The following SBF2 variants were observed in gnomAD, a reference collection of about 807,000 sequenced individuals.
SBF2 encodes SET binding factor 2, also known as myotubularin-related protein 13.
A neutral mutation model predicts 225.2 loss-of-function variants in SBF2; 112 were observed. The observed-to-expected ratio is 0.50, with a 90% confidence interval of 0.43 to 0.58. The LOEUF is 0.58. SBF2 is among the 20% of genes least tolerant of loss of function. The probability of loss-of-function intolerance (pLI) is 0.00; values close to 1 mark genes in which losing one functional copy is unlikely to be tolerated. For missense variants in SBF2, 1,996 were observed against 2,206.2 expected (o/e 0.90, Z 1.91); for synonymous variants, 763 against 773.3 (o/e 0.99, Z 0.22).
chr11:10,084,213 C>G (rs572185122), intron 2 of SBF2, among the ~76,000 whole-genome samples: 11 of 152,034 alleles, frequency 7.2e-5, no homozygotes, highest in African/African-American at 2.7e-4. Context: ...ACATAACAAA[C>G]CTGCACATCC....
intron 2 of SBF2, among the ~76,000 whole-genome samples, chr11:10,058,504 A>C (rs1036848648): frequency 9.9e-5 from 15 of 152,230 alleles, no homozygotes; most frequent in African/African-American, 3.6e-4. Flanking sequence ...ACTTTCAAGA[A>C]GTATGAGATT....
intron 1 of SBF2, among the ~76,000 whole-genome samples, chr11:10,256,959 G>T (rs1270627347): frequency 6.6e-6 from 1 of 152,222 alleles, no homozygotes; most frequent in Non-Finnish European, 1.5e-5. Context: ...AAGAATGATT[G>T]TACTAACTGG....
chr11:9,779,514 T>G lies in SBF2; in HGVS notation c.*904A>C, dbSNP rs1195833788. On this transcript the variant is annotated 3_prime_UTR_variant, in exon 40 of 40. Coordinates refer to ENST00000256190, the MANE Select transcript of SBF2 (RefSeq NM_030962.4). Reference sequence around the variant, plus strand: ...GTATCCAGTCATGCCACAGTGTGACTGTGGTCAACACAGCCCTTGTCACAG... The same window carrying G: ...GTATCCAGTCATGCCACAGTGTGACGGTGGTCAACACAGCCCTTGTCACAG... The G allele has an allele frequency of 6.5e-6, 1 of 152,684 alleles. No individual in the cohort carries two copies. Among genetic ancestry groups the G allele is most frequent in the South Asian group, 2.1e-4 (1 of 4,834 alleles). 9.5% of individuals were successfully genotyped at this position (152,684 alleles called of 1,614,324 possible).
chr11:10,043,658 C>G (rs1949743306), intron 2 of SBF2, among the ~76,000 whole-genome samples: 1 of 152,196 alleles, frequency 6.6e-6, no homozygotes, highest in East Asian at 1.9e-4. Context: ...CACTTTAACC[C>G]CAACCCCCTG....
intron 2 of SBF2, among the ~76,000 whole-genome samples, chr11:10,097,856 C>T (rs1388929589): frequency 6.6e-6 from 1 of 152,134 alleles, no homozygotes; most frequent in East Asian, 1.9e-4. Context: ...TAGTGAGTTC[C>T]TGTCTTCTAC....
At chr11:9,947,960 G>C (rs1258191625) in intron 16 of SBF2, among the ~76,000 whole-genome samples, 1 of 152,218 alleles carries the variant, frequency 6.6e-6, no homozygotes, top group Non-Finnish European at 1.5e-5. Context: ...CTGAAAGCAG[G>C]AGCTTGAAGA....
At chr11:9,784,986 A>G (rs1590076624) in intron 37 of SBF2, 139 bp downstream of exon 37, 1 of 802,944 alleles carries the variant, frequency 1.2e-6, no homozygotes, top group East Asian at 2.6e-5. Context: ...CATCTAAAAC[A>G]TTACAAAAAT....
intron 14 of SBF2, among the ~76,000 whole-genome samples, chr11:9,964,430 T>C (rs921134334): frequency 2.6e-5 from 4 of 152,234 alleles, no homozygotes; most frequent in African/African-American, 7.2e-5. Context: ...TTATGCAAAC[T>C]AATTCACATT....
chr11:9,960,743 C>CA (rs1446311374), intron 16 of SBF2: 1 of 152,232 alleles, frequency 6.6e-6, no homozygotes, highest in Non-Finnish European at 1.5e-5. Context: ...CAGCTCACTG[C>CA]AACCTCCGCC....
At chr11:9,820,423 G>A (rs12576763) in intron 28 of SBF2, among the ~76,000 whole-genome samples, 12,431 of 152,232 alleles carry the variant, frequency 0.082, 589 homozygotes, top group East Asian at 0.15. Context: ...CATGGCCAAG[G>A]CACACTGTGT....
chr11:10,166,712 T>C (rs1297030220), intron 2 of SBF2, among the ~76,000 whole-genome samples: 1 of 152,012 alleles, frequency 6.6e-6, no homozygotes, highest in East Asian at 1.9e-4. Context: ...CCTGTAATCC[T>C]AGCACTTTGG....
At chr11:10,079,985 T>C (rs990310200) in intron 2 of SBF2, among the ~76,000 whole-genome samples, 1 of 137,960 alleles carries the variant, frequency 7.2e-6, no homozygotes, top group Non-Finnish European at 1.6e-5. Flanking sequence ...CGATGGCTCA[T>C]GCCTGTAATC....
chr11:10,021,421 A>G (rs1948852939), intron 6 of SBF2, among the ~76,000 whole-genome samples: 1 of 151,986 alleles, frequency 6.6e-6, no homozygotes, highest in Non-Finnish European at 1.5e-5. Context: ...GTAAACAAAA[A>G]TAGTTCACAT....
At chr11:9,812,411 A>G (rs1854237492) in intron 30 of SBF2, 121 bp downstream of exon 30, 1 of 1,031,230 alleles carries the variant, frequency 9.7e-7, no homozygotes, top group Admixed American at 1.9e-5. Flanking sequence ...GCACACAATG[A>G]AGGAGGAGAA....
chr11:10,237,497 C>T (rs1959120281), intron 1 of SBF2, among the ~76,000 whole-genome samples: 1 of 152,228 alleles, frequency 6.6e-6, no homozygotes. Flanking sequence ...AGCCTCAAAT[C>T]ATCTCAGTAC....
intron 17 of SBF2, among the ~76,000 whole-genome samples, chr11:9,875,387 C>T (rs1590294400): frequency 6.6e-6 from 1 of 152,334 alleles, no homozygotes; most frequent in Non-Finnish European, 1.5e-5. Context: ...CTTCCTCCTA[C>T]CCACGAGCTC....
chr11:10,291,054 T>C (rs923399024), intron 1 of SBF2, among the ~76,000 whole-genome samples: 2 of 152,222 alleles, frequency 1.3e-5, no homozygotes, highest in African/African-American at 4.8e-5. Flanking sequence ...GTGATGGGGA[T>C]GTACCATAAG....
At chr11:10,125,853 T>C (rs996130210) in intron 2 of SBF2, among the ~76,000 whole-genome samples, 11 of 152,202 alleles carry the variant, frequency 7.2e-5, no homozygotes, top group Non-Finnish European at 1.5e-4. Context: ...TTGGCAATTT[T>C]AAAAAGTATG....
intron 16 of SBF2, among the ~76,000 whole-genome samples, chr11:9,949,888 A>C (rs1865761066): frequency 6.6e-6 from 1 of 152,152 alleles, no homozygotes. Context: ...TTTTTCAAGG[A>C]CACCTGCATA....
Sources: gnomAD v4.1 joint callset for allele counts (sites outside exome capture counted in the v4.1 genomes callset) on GRCh38, gnomAD v4.1.1 for gene constraint, MANE v1.5 for transcripts, NCBI Gene and HGNC (gene_info 2026-07-23, HGNC 2026-07-21) for gene names.